PUDP: variants seen among roughly 807,000 people sequenced by gnomAD.
PUDP encodes pseudouridine 5'-phosphatase.
In PUDP, 8 loss-of-function variants were observed where a neutral mutation model predicts 9.4. The observed-to-expected ratio is 0.85, with a 90% CI of 0.50 to 1.53. PUDP has a LOEUF of 1.53. Among genes scored for constraint, PUDP ranks in the 40% most tolerant of loss-of-function variants. The probability of loss-of-function intolerance (pLI) is 0.00; values close to 1 mark genes in which losing one functional copy is unlikely to be tolerated. For missense variants in PUDP, 188 were observed against 189.7 expected (o/e 0.99, Z 0.05); for synonymous variants, 99 against 80.7 (o/e 1.23, Z -1.22).
intron 3 of PUDP, among the ~76,000 whole-genome samples, chrX:6,736,124 T>C (rs999970364): frequency 1.8e-5 from 2 of 111,347 alleles, no homozygotes; most frequent in African/African-American, 6.5e-5. Flanking sequence ...TTGTAAATGT[T>C]CATTCCTTCA....
chrX:6,874,439 C>A (rs138572046), intron 3 of PUDP, among the ~76,000 whole-genome samples: 174 of 112,302 alleles, frequency 1.5e-3, no homozygotes, highest in Non-Finnish European at 2.6e-3. Context: ...AGGAAACAGA[C>A]CACCAATAGA....
chrX:6,838,082 G>C (rs1443270730), intron 3 of PUDP, among the ~76,000 whole-genome samples: 1 of 112,068 alleles, frequency 8.9e-6, no homozygotes, highest in Non-Finnish European at 1.9e-5. Flanking sequence ...ATGTGAATCA[G>C]AGAAGGTAAG....
At chrX:7,032,566 G>A (rs1053225345) in intron 1 of PUDP, among the ~76,000 whole-genome samples, 7 of 112,147 alleles carry the variant, frequency 6.2e-5, no homozygotes, top group Non-Finnish European at 1.1e-4. Flanking sequence ...TACCTGCAAC[G>A]GAAACACATA....
intron 1 of PUDP, among the ~76,000 whole-genome samples, chrX:7,145,592 G>A (rs922463294): frequency 5.1e-5 from 4 of 78,363 alleles, no homozygotes; most frequent in African/African-American, 2.0e-4. Context: ...AACAGAAACC[G>A]AAGTGTATTT....
intron 3 of PUDP, among the ~76,000 whole-genome samples, chrX:6,872,262 G>A (rs771315960): frequency 8.9e-6 from 1 of 111,732 alleles, no homozygotes; most frequent in East Asian, 2.8e-4. Flanking sequence ...GCACACAGCT[G>A]TCTTCTACCA....
chrX:6,899,667 TGATA>T (rs1382398750), intron 3 of PUDP, among the ~76,000 whole-genome samples: 1 of 96,512 alleles, frequency 1.0e-5, no homozygotes, highest in Admixed American at 1.3e-4. Flanking sequence ...AACAAATCTG[TGATA>T]GAGATGATGA....
intron 1 of PUDP, among the ~76,000 whole-genome samples, chrX:6,707,865 C>A (rs1924488355): frequency 8.9e-6 from 1 of 112,057 alleles, no homozygotes; most frequent in South Asian, 3.7e-4. Context: ...AATTTAATGG[C>A]AGCCTATGAA....
chrX:6,864,252 T>C (rs1046449472), intron 3 of PUDP, among the ~76,000 whole-genome samples: 1 of 112,328 alleles, frequency 8.9e-6, no homozygotes, highest in Admixed American at 9.5e-5. Flanking sequence ...TCTCTGTTGG[T>C]GTCCATGTTT....
At chrX:6,951,846 T>C (rs752754185) in intron 3 of PUDP, among the ~76,000 whole-genome samples, 1 of 112,367 alleles carries the variant, frequency 8.9e-6, no homozygotes, top group Admixed American at 9.5e-5. Flanking sequence ...ATGTTTATAA[T>C]AAAATGTCAA....
intron 3 of PUDP, among the ~76,000 whole-genome samples, chrX:6,921,259 C>CAGG (rs1928017998): frequency 9.1e-6 from 1 of 109,924 alleles, no homozygotes; most frequent in African/African-American, 3.3e-5. Flanking sequence ...GGCACAAACC[C>CAGG]CTGGCCCCAG....
intron 1 of PUDP, among the ~76,000 whole-genome samples, chrX:6,719,201 T>C (rs985915897): frequency 1.7e-4 from 19 of 111,897 alleles, no homozygotes; most frequent in African/African-American, 5.8e-4. Flanking sequence ...GGCTGGTTCC[T>C]CCTGAGTCTT....
At chrX:6,751,173 GAAAGAAAA>G (rs1408704622) in intron 3 of PUDP, among the ~76,000 whole-genome samples, 5 of 108,969 alleles carry the variant, frequency 4.6e-5, no homozygotes, top group Non-Finnish European at 7.6e-5. Flanking sequence ...AAGAAAGAAA[GAAAGAAAA>G]AAAGAAAGAA....
chrX:7,083,163 TTC>T (rs1305027940), intron 2 of PUDP, among the ~76,000 whole-genome samples: 2 of 112,083 alleles, frequency 1.8e-5, no homozygotes, highest in Non-Finnish European at 3.8e-5. Context: ...GACAGTCAAC[TTC>T]TGTTATTAGA....
In PUDP at chrX:6,916,239, CACACACA is replaced by C. The variant is rs1569122784; in HGVS notation, c.*247+60887_*247+60893del. ...ACACACACACACACACACACACACACACACACACACCCTGGGGAACTGGTAAATTTGG... is the reference window on the plus strand; with the variant it reads ...ACACACACACACACACACACACACACCACCCTGGGGAACTGGTAAATTTGG... On this transcript the variant is annotated intron_variant and NMD_transcript_variant, in intron 3 of 3. Transcript: ENST00000655425. 2.3e-3 allele frequency among the ~76,000 whole-genome samples: 198 copies of C among 84,264 alleles called. 2 individuals carry two copies. The highest frequency in any genetic ancestry group is 9.3e-3 in the African/African-American group (191 of 20,638). 73.2% of individuals were successfully genotyped at this position (84,264 alleles called of 115,157 possible).
At chrX:6,811,731 C>T (rs1481583163) in intron 3 of PUDP, among the ~76,000 whole-genome samples, 2 of 111,627 alleles carry the variant, frequency 1.8e-5, no homozygotes, top group East Asian at 5.7e-4. Flanking sequence ...ATCCTCCTGG[C>T]TTGGCCTCCC....
intron 3 of PUDP, among the ~76,000 whole-genome samples, chrX:6,827,024 G>A (rs1926433606): frequency 8.9e-6 from 1 of 112,092 alleles, no homozygotes; most frequent in Admixed American, 9.5e-5. Flanking sequence ...CATGGACACA[G>A]CTCTCCAGAC....
chrX:7,024,754 CTTTT>C (rs55692944), intron 1 of PUDP, among the ~76,000 whole-genome samples: 1 of 54,441 alleles, frequency 1.8e-5, no homozygotes, highest in African/African-American at 7.6e-5. Context: ...GCCCGGCTAA[CTTTT>C]TTTTTTTTTT....
At chrX:7,059,020 T>C (rs148733149) in intron 3 of PUDP, among the ~76,000 whole-genome samples, 4,401 of 111,702 alleles carry the variant, frequency 0.039, 89 homozygotes, top group Non-Finnish European at 0.061. Context: ...AAACCATTAT[T>C]GATATAAACA....
At chrX:7,027,542 TGTGAATATATATATGAGAATATATATGA>T (rs1324041550) in intron 1 of PUDP, among the ~76,000 whole-genome samples, 1 of 102,161 alleles carries the variant, frequency 9.8e-6, no homozygotes, top group African/African-American at 3.6e-5. Flanking sequence ...CACATATATG[TGTGAATATATATATGAGAATATATATGA>T]GATATATAGA....
Sources: allele counts gnomAD v4.1 joint callset (sites outside exome capture counted in the v4.1 genomes callset), GRCh38; gene constraint gnomAD v4.1.1; transcripts MANE v1.5; gene names NCBI Gene and HGNC (gene_info 2026-07-23, HGNC 2026-07-21).